Variants in GALNT14 observed in about 807,000 individuals in gnomAD.
GALNT14 encodes polypeptide N-acetylgalactosaminyltransferase 14.
A neutral mutation model predicts 77.5 loss-of-function variants in GALNT14; 60 were observed. That is an observed-to-expected ratio of 0.77 (90% CI 0.63 to 0.96). The LOEUF (loss-of-function observed/expected upper bound fraction) is 0.96. Among genes scored for constraint, GALNT14 ranks in the 40% least tolerant of loss-of-function variants. GALNT14 has a pLI of 0.00. For missense variants in GALNT14, 710 were observed against 731.0 expected, an observed-to-expected ratio of 0.97 and a Z score of 0.33; for synonymous variants, 280 against 281.7, an observed-to-expected ratio of 0.99 and a Z score of 0.06.
At chr2:31,050,661 G>A (rs1468159979) in intron 1 of GALNT14, among the ~76,000 whole-genome samples, 1 of 152,032 alleles carries the variant, frequency 6.6e-6, no homozygotes. Context: ...ATGTGCTGCA[G>A]TAACCTAAGA....
intron 13 of GALNT14, among the ~76,000 whole-genome samples, chr2:30,921,655 T>C (rs1358316649): frequency 6.6e-6 from 1 of 152,186 alleles, no homozygotes; most frequent in Non-Finnish European, 1.5e-5. Flanking sequence ...AACAATGGGT[T>C]AATGACCACA....
chr2:31,067,411 C>T (rs1210135593), intron 1 of GALNT14, among the ~76,000 whole-genome samples: 1 of 152,170 alleles, frequency 6.6e-6, no homozygotes, highest in Non-Finnish European at 1.5e-5. Flanking sequence ...GCACAGGGGT[C>T]ACCGAGAGAC....
At chr2:30,925,220 C>T (rs1458669072) in intron 11 of GALNT14, among the ~76,000 whole-genome samples, 1 of 152,212 alleles carries the variant, frequency 6.6e-6, no homozygotes, top group Non-Finnish European at 1.5e-5. Context: ...CACCACTCCC[C>T]GCTGCCCCAG....
chr2:31,022,837 A>C (rs1369489104), intron 1 of GALNT14, among the ~76,000 whole-genome samples: 1 of 152,248 alleles, frequency 6.6e-6, no homozygotes, highest in African/African-American at 2.4e-5. Flanking sequence ...TAATGCCAAA[A>C]TTCTGGATAA....
chr2:31,059,031 C>T (rs990287014), intron 1 of GALNT14, among the ~76,000 whole-genome samples: 1 of 152,124 alleles, frequency 6.6e-6, no homozygotes, highest in African/African-American at 2.4e-5. Flanking sequence ...CATCTGCCTA[C>T]CAGCCATTGA....
chr2:30,916,479 G>A (rs1664684899), intron 13 of GALNT14, among the ~76,000 whole-genome samples: 1 of 152,214 alleles, frequency 6.6e-6, no homozygotes, highest in Non-Finnish European at 1.5e-5. Context: ...TGGTGTGGGT[G>A]ACCCTGCCCC....
chr2:31,083,611 A>C (rs1341220173), intron 1 of GALNT14, among the ~76,000 whole-genome samples: 1 of 152,216 alleles, frequency 6.6e-6, no homozygotes, highest in Non-Finnish European at 1.5e-5. Flanking sequence ...TGAGTCTGGC[A>C]CAAGGCAAGC....
At chr2:31,038,566 G>C (rs1422563406) in intron 1 of GALNT14, among the ~76,000 whole-genome samples, 1 of 152,046 alleles carries the variant, frequency 6.6e-6, no homozygotes, top group African/African-American at 2.4e-5. Context: ...GGCCGGGGGA[G>C]GGGGAGGGTA....
intron 1 of GALNT14, among the ~76,000 whole-genome samples, chr2:31,051,532 C>T (rs9653511): frequency 0.74 from 112,891 of 152,122 alleles, 42,201 homozygotes; most frequent in East Asian, 1. Context: ...CCAACTCTTA[C>T]CTGCCCTTCC....
chr2:31,117,465 T>C (rs1440278918), intron 1 of GALNT14, among the ~76,000 whole-genome samples: 1 of 152,102 alleles, frequency 6.6e-6, no homozygotes, highest in Non-Finnish European at 1.5e-5. Flanking sequence ...TTAAAATTAA[T>C]GACTACAAAT....
the GALNT14 span, among the ~76,000 whole-genome samples, chr2:30,888,563 T>G: frequency 1.3e-5 from 2 of 152,100 alleles, no homozygotes; most frequent in East Asian, 3.9e-4. Context: ...CACTGGTCGC[T>G]GGGAAGGGTG....
intron 2 of GALNT14, among the ~76,000 whole-genome samples, chr2:30,985,384 T>C (rs1242416154): frequency 6.6e-6 from 1 of 152,108 alleles, no homozygotes; most frequent in Non-Finnish European, 1.5e-5. Flanking sequence ...GGCTCAGGAT[T>C]CAAGGAAATC....
intron 1 of GALNT14, among the ~76,000 whole-genome samples, chr2:31,009,301 C>A (rs1670874250): frequency 6.7e-6 from 1 of 148,378 alleles, no homozygotes; most frequent in Non-Finnish European, 1.5e-5. Flanking sequence ...AACATCCTAC[C>A]CCCTGGAAAA....
intron 1 of GALNT14, among the ~76,000 whole-genome samples, chr2:31,050,555 C>A (rs997996765): frequency 6.6e-6 from 1 of 152,070 alleles, no homozygotes; most frequent in African/African-American, 2.4e-5. Flanking sequence ...GCTCCTGGGA[C>A]AGAAAGGGGC....
At chr2:30,927,250 G>A (rs112057345) in intron 11 of GALNT14, among the ~76,000 whole-genome samples, 5,678 of 152,250 alleles carry the variant, frequency 0.037, 151 homozygotes, top group South Asian at 0.1. Context: ...GGCACAGACT[G>A]CAGTCAGTTT....
At chr2:31,006,113 A>T (rs191571598) in intron 1 of GALNT14, among the ~76,000 whole-genome samples, 24 of 152,246 alleles carry the variant, frequency 1.6e-4, no homozygotes, top group African/African-American at 5.8e-4. Context: ...CATGCCTCCC[A>T]GGACTTTGGC....
chr2:31,034,917 C>T (rs563676877), intron 1 of GALNT14, among the ~76,000 whole-genome samples: 49 of 152,310 alleles, frequency 3.2e-4, no homozygotes, highest in African/African-American at 1.2e-3. Context: ...AATATCCTTT[C>T]ATCATTGATT....
At chr2:31,104,171 T>C (rs1199521443) in intron 1 of GALNT14, among the ~76,000 whole-genome samples, 1 of 152,160 alleles carries the variant, frequency 6.6e-6, no homozygotes, top group African/African-American at 2.4e-5. Context: ...GGAGTCTTTC[T>C]TTCTGTCTCT....
At chr2:31,101,061 TC>T (rs1677250322) in intron 1 of GALNT14, among the ~76,000 whole-genome samples, 1 of 152,072 alleles carries the variant, frequency 6.6e-6, no homozygotes, top group Non-Finnish European at 1.5e-5. Flanking sequence ...AAAGATTGTA[TC>T]AAAGCATCAT....
Sources: gnomAD v4.1 joint callset for allele counts (sites outside exome capture counted in the v4.1 genomes callset) on GRCh38, gnomAD v4.1.1 for gene constraint, MANE v1.5 for transcripts, NCBI Gene and HGNC (gene_info 2026-07-23, HGNC 2026-07-21) for gene names.